The following METTL15 variants were observed in gnomAD, a reference collection of about 807,000 sequenced individuals.
METTL15 encodes 12S rRNA N(4)-cytidine methyltransferase METTL15.
A neutral mutation model predicts 38.3 loss-of-function variants in METTL15; 34 were observed. That is an observed-to-expected ratio of 0.89 (90% CI 0.68 to 1.18). METTL15 has a LOEUF of 1.18. METTL15 is among the 50% of genes most tolerant of loss of function. The pLI is 0.00. For synonymous variants in METTL15, 162 were observed against 170.9 expected (o/e 0.95, Z 0.41); for missense variants, 438 against 498.4 (o/e 0.88, Z 1.15).
chr11:28,305,482 A>G (rs1235121131), intron 6 of METTL15, among the ~76,000 whole-genome samples: 5 of 152,114 alleles, frequency 3.3e-5, no homozygotes, highest in African/African-American at 1.2e-4. Flanking sequence ...CATGTTATGG[A>G]TGAGGTAACT....
chr11:28,392,210 A>G (rs1223160364), intron 5 of METTL15, among the ~76,000 whole-genome samples: 3 of 152,198 alleles, frequency 2.0e-5, no homozygotes, highest in Non-Finnish European at 2.9e-5. Context: ...GACATATGAA[A>G]AACAATGACA....
intron 6 of METTL15, 80 bp downstream of exon 6, chr11:28,297,011 A>G (rs933213480): frequency 9.1e-6 from 13 of 1,426,244 alleles, no homozygotes; most frequent in East Asian, 2.3e-5. Context: ...GCATGCACGC[A>G]TGCACATGTG....
chr11:28,302,230 A>G (rs1388505253), intron 6 of METTL15, among the ~76,000 whole-genome samples: 1 of 152,130 alleles, frequency 6.6e-6, no homozygotes, highest in African/African-American at 2.4e-5. Context: ...TACTTTTTCA[A>G]TGTTAATTTA....
chr11:28,220,793 A>T (rs185534694), intron 4 of METTL15, among the ~76,000 whole-genome samples: 1 of 152,104 alleles, frequency 6.6e-6, no homozygotes, highest in Non-Finnish European at 1.5e-5. Flanking sequence ...CTTGTCTGTA[A>T]AGTATCTTAT....
chr11:28,309,359 T>A (rs139202777), intron 6 of METTL15, among the ~76,000 whole-genome samples: 1 of 152,296 alleles, frequency 6.6e-6, no homozygotes, highest in African/African-American at 2.4e-5. Context: ...ACTTGTTTTT[T>A]CTCTTGGTCT....
intron 3 of METTL15, among the ~76,000 whole-genome samples, chr11:28,159,230 G>T (rs1362944767): frequency 6.6e-6 from 1 of 152,114 alleles, no homozygotes; most frequent in Non-Finnish European, 1.5e-5. Flanking sequence ...TGGCTGGGGT[G>T]ATTGACCTGG....
chr11:28,389,633 G>T (rs939513390), intron 5 of METTL15, among the ~76,000 whole-genome samples: 2 of 151,842 alleles, frequency 1.3e-5, no homozygotes, highest in Non-Finnish European at 2.9e-5. Context: ...GTCTATCATT[G>T]TTGGGCATTT....
intron 5 of METTL15, among the ~76,000 whole-genome samples, chr11:28,375,714 G>C (rs1179477306): frequency 1.3e-5 from 2 of 152,026 alleles, no homozygotes; most frequent in Non-Finnish European, 2.9e-5. Context: ...GCTAGCTTTT[G>C]AATGTGTGTG....
intron 3 of METTL15, among the ~76,000 whole-genome samples, chr11:28,146,939 A>T (rs758109398): frequency 1.3e-5 from 2 of 151,904 alleles, no homozygotes; most frequent in African/African-American, 4.8e-5. Flanking sequence ...TATTTCATTT[A>T]TATAAAGAAT....
At chr11:28,370,877 T>C (rs1327212845) in intron 5 of METTL15, among the ~76,000 whole-genome samples, 2 of 152,124 alleles carry the variant, frequency 1.3e-5, no homozygotes, top group Non-Finnish European at 2.9e-5. Context: ...TGAATGTCTT[T>C]TGCCCATTTT....
At chr11:28,166,569 C>T (rs144052048) in intron 3 of METTL15, among the ~76,000 whole-genome samples, 9 of 152,108 alleles carry the variant, frequency 5.9e-5, no homozygotes, top group Non-Finnish European at 1.2e-4. Context: ...AGAGAACTTA[C>T]GTTCTGGTTC....
At chr11:28,478,035 TTATC>T (rs1851361644) in intron 6 of METTL15, among the ~76,000 whole-genome samples, 1 of 152,186 alleles carries the variant, frequency 6.6e-6, no homozygotes, top group Non-Finnish European at 1.5e-5. Flanking sequence ...GTTTTATCCT[TTATC>T]TATCTATTAG....
intron 4 of METTL15, among the ~76,000 whole-genome samples, chr11:28,224,479 A>T (rs1464583427): frequency 6.6e-6 from 1 of 151,910 alleles, no homozygotes; most frequent in South Asian, 2.1e-4. Flanking sequence ...AATTCATAGA[A>T]CTAACACCAA....
chr11:28,443,402 T>C (rs1851050998), intron 6 of METTL15, among the ~76,000 whole-genome samples: 1 of 152,150 alleles, frequency 6.6e-6, no homozygotes, highest in African/African-American at 2.4e-5. Flanking sequence ...TTCTGTTCCC[T>C]ATCTGTATGC....
In METTL15 at chr11:28,330,717, CTA is replaced by C. The variant is rs1469538282; in HGVS notation, c.1102_1103del (p.Met368GlufsTer16). On this transcript the variant is annotated frameshift_variant, in exon 7 of 7. Coordinates refer to ENST00000407364, the MANE Select transcript of METTL15 (RefSeq NM_001113528.2). LOFTEE classifies it high-confidence loss of function. ...GATCACGAAAACACGGAAGAAGTCT[CTA>C]TGAGAAGAGCTCCTTTAATGTGGGA... 1 of 1,551,404 alleles carries C rather than the reference CTA, an allele frequency of 6.4e-7. No individual in the cohort carries two copies. Among genetic ancestry groups the C allele is most frequent in the Non-Finnish European group, 8.7e-7 (1 of 1,146,822 alleles).
chr11:28,232,842 T>C (rs552676293), intron 4 of METTL15, among the ~76,000 whole-genome samples: 1 of 152,132 alleles, frequency 6.6e-6, no homozygotes, highest in Non-Finnish European at 1.5e-5. Flanking sequence ...TCCCATGTTA[T>C]AGGCATCCCC....
At chr11:28,309,317 C>T (rs190012737) in intron 6 of METTL15, among the ~76,000 whole-genome samples, 1 of 152,228 alleles carries the variant, frequency 6.6e-6, no homozygotes, top group African/African-American at 2.4e-5. Context: ...ACTGACAAAC[C>T]TCCTCTTTAA....
At chr11:28,263,667 A>C (rs1292211310) in intron 4 of METTL15, among the ~76,000 whole-genome samples, 1 of 152,040 alleles carries the variant, frequency 6.6e-6, no homozygotes, top group Non-Finnish European at 1.5e-5. Flanking sequence ...AACATTTTTC[A>C]TGGACCTTTT....
At chr11:28,305,287 G>T (rs1857044672) in intron 6 of METTL15, among the ~76,000 whole-genome samples, 1 of 152,134 alleles carries the variant, frequency 6.6e-6, no homozygotes. Flanking sequence ...CAAATGGGGA[G>T]CAGGGAATGT....
Sources: allele counts gnomAD v4.1 joint callset (sites outside exome capture counted in the v4.1 genomes callset), GRCh38; gene constraint gnomAD v4.1.1; transcripts MANE v1.5; gene names NCBI Gene and HGNC (gene_info 2026-07-23, HGNC 2026-07-21).